MED23: variants seen among roughly 807,000 people sequenced by gnomAD.
MED23 encodes mediator of RNA polymerase II transcription subunit 23.
In MED23, 105 loss-of-function variants were observed where a neutral mutation model predicts 163.9. The observed-to-expected ratio is 0.64, with a 90% CI of 0.55 to 0.75. The LOEUF is 0.75. Among genes scored for constraint, MED23 ranks in the 30% least tolerant of loss-of-function variants. The pLI, the probability that MED23 is intolerant of heterozygous loss-of-function variation, is 0.00. For synonymous variants in MED23, 561 were observed against 565.6 expected (o/e 0.99, Z 0.12); for missense variants, 1,054 against 1,649.0 (o/e 0.64, Z 6.25).
chr6:131,585,807 C>G (rs1340101552), downstream of MED23, among the ~76,000 whole-genome samples: 1 of 152,158 alleles, frequency 6.6e-6, no homozygotes, highest in African/African-American at 2.4e-5. Context: ...TTCTATTAGT[C>G]TCTGATTAAA....
At chr6:131,584,197 C>CACTT (rs912772679), downstream of MED23, 12 of 397,526 alleles carry the variant, frequency 3.0e-5, no homozygotes, top group Admixed American at 3.8e-4. Flanking sequence ...AAAATAAGCA[C>CACTT]ACTTACATAA....
intron 17 of MED23, among the ~76,000 whole-genome samples, chr6:131,601,485 T>G (rs937658790): frequency 4.6e-5 from 7 of 152,212 alleles, no homozygotes; most frequent in Non-Finnish European, 4.4e-5. Context: ...TACATGAAGT[T>G]TACTGGGGGT....
In MED23 at chr6:131,604,238, T is replaced by A; in HGVS notation, c.1696A>T (p.Thr566Ser). The A allele has an allele frequency of 6.2e-7, 1 of 1,613,884 alleles. No homozygotes were observed. The highest frequency in any genetic ancestry group is 8.5e-7 in the Non-Finnish European group (1 of 1,179,824). Reference sequence around the variant, plus strand: ...ATATAGACCAATAAACGACTGTAAGTTTCCACTAGGGCTGGAGCCAAGGCC... The same window carrying A: ...ATATAGACCAATAAACGACTGTAAGATTCCACTAGGGCTGGAGCCAAGGCC... ...SVALAPALVETYSRLLVYMEI... is the reference protein window; with the variant it reads ...SVALAPALVESYSRLLVYMEI... The change falls in exon 15 of 29, where the codon ACT becomes TCT. Residue 566 changes from threonine to serine, a missense_variant. Around this residue, in one of 11 missense-constraint regions of MED23, gnomAD observed 54 missense variants for 89.8 expected, o/e 0.60. Transcript: ENST00000368068.
intron 14 of MED23, 52 bp from the exon 15 acceptor site, chr6:131,604,372 A>T (rs758911330): frequency 6.4e-7 from 1 of 1,562,964 alleles, no homozygotes; most frequent in East Asian, 2.3e-5. Flanking sequence ...TGACATAAAC[A>T]TAGGGGCTAC....
chr6:131,615,503 C>CAAAA (rs917020235), intron 10 of MED23, among the ~76,000 whole-genome samples: 202 of 14,128 alleles, frequency 0.014, 46 homozygotes, highest in East Asian at 0.021. Context: ...AAACACACAC[C>CAAAA]AAAAAAAAAA....
At position 131,606,632 on chromosome 6, in the gene MED23, A is replaced by G; in HGVS notation, c.1222-8T>C. 1 of 1,602,224 alleles carries G rather than the reference A, an allele frequency of 6.2e-7. No homozygotes were observed. The highest frequency in any genetic ancestry group is 8.5e-7 in the Non-Finnish European group (1 of 1,169,818). On this transcript the variant is annotated splice_region_variant and splice_polypyrimidine_tract_variant and intron_variant, in intron 12 of 28. Transcript: ENST00000368068. ...ATCAGGAACTGGGATATACTGAAAA[A>G]TAACAATTTGAAAAATAACACAATA...
rs1291144022 is a variant in MED23 at position 131,586,869 on chromosome 6, A to G, written c.*810T>C. On this transcript the variant is annotated 3_prime_UTR_variant, in exon 29 of 29. Transcript: ENST00000368068. ...TAAAATGTGTACTGTATTTACAAAT[A>G]TAAAATTTAAAAATTTTAAGATTAT... 15 of 1,463,856 alleles carry G rather than the reference A, an allele frequency of 1.0e-5. No individual in the cohort carries two copies. Among genetic ancestry groups the G allele is most frequent in the South Asian group, 2.7e-5 (2 of 74,478 alleles). 90.7% of individuals were successfully genotyped at this position (1,463,856 alleles called of 1,614,324 possible). A position where few individuals can be genotyped will look rare whatever the true frequency, so the allele number is the denominator to read the frequency against.
downstream of MED23, chr6:131,584,113 T>TCTAA (rs1195028170): frequency 5.0e-6 from 3 of 599,734 alleles, no homozygotes; most frequent in Non-Finnish European, 8.5e-6. Context: ...GCTTATATTT[T>TCTAA]CTAACTTGGC....
intron 26 of MED23, 30 bp downstream of exon 26, chr6:131,591,283 C>T (rs770085267): frequency 1.1e-5 from 17 of 1,562,830 alleles, no homozygotes; most frequent in Non-Finnish European, 1.5e-5. Context: ...CAGCCTACGT[C>T]AAATTTCTTT....
Position 131,593,071 on chromosome 6 carries a change from C to T in MED23, c.3333G>A (p.Glu1111=). 1 of 1,614,114 alleles carries T rather than the reference C, an allele frequency of 6.2e-7. No homozygotes were observed. The highest frequency in any genetic ancestry group is 2.2e-5 in the East Asian group (1 of 44,852). Reference sequence around the variant, plus strand: ...TGCCTGAAACTGCCAAGGCCATGAGCTCCACACAAGTAACATGGAGAGCAT... The same window carrying T: ...TGCCTGAAACTGCCAAGGCCATGAGTTCCACACAAGTAACATGGAGAGCAT... ...AAHALHVTCV[E]LMALAVSGKE... Residue 1111 remains glutamate, a synonymous_variant, in exon 24 of 29, where the codon GAG becomes GAA. Coordinates refer to ENST00000368068, the MANE Select transcript of MED23 (RefSeq NM_004830.4).
chr6:131,608,029 A>G lies in MED23; in HGVS notation c.1120T>C (p.Trp374Arg). Residue 374 changes from tryptophan (W) to arginine (R), a missense_variant, in exon 12 of 29, where the codon TGG (tryptophan) becomes CGG (arginine). Transcript: ENST00000368068. ...GLIKGRDHLM[W>R]VLLQFISGSI... The stretch of plus-strand genomic sequence containing the variant: ...CCAGAAATGAATTGCAGGAGAACCC[A>G]CATAAGATGATCTCTGCCTTTAATC... 1 of 1,613,942 alleles carries G rather than the reference A, an allele frequency of 6.2e-7. No individual in the cohort carries two copies. Among genetic ancestry groups the G allele is most frequent in the Non-Finnish European group, 8.5e-7 (1 of 1,179,900 alleles).
chr6:131,578,690 CAT>C (rs1773754204), intron 30 of MED23, among the ~76,000 whole-genome samples: 2 of 152,108 alleles, frequency 1.3e-5, no homozygotes, highest in South Asian at 4.2e-4. Context: ...TCTGAGAATA[CAT>C]ATATATACCG....
Position 131,586,840 on chromosome 6 carries a change from GAAATA to G in MED23, c.*834_*838del. ...ATTAACAATGTCTCTCAAAATCCAA[GAAATA>G]AAATGTGTACTGTATTTACAAATAT... On this transcript the variant is annotated 3_prime_UTR_variant, in exon 29 of 29. Coordinates refer to ENST00000368068, the MANE Select transcript of MED23 (RefSeq NM_004830.4). 1 of 1,506,588 alleles carries G rather than the reference GAAATA, an allele frequency of 6.6e-7. No individual in the cohort carries two copies. The highest frequency in any genetic ancestry group is 9.0e-7 in the Non-Finnish European group (1 of 1,112,210). The allele number at this position is 1,506,588 out of a possible 1,614,324, so 93.3% of individuals were successfully genotyped here. A position where few individuals can be genotyped will look rare whatever the true frequency, so the allele number is the denominator to read the frequency against.
rs1423554533 is a variant in MED23 at position 131,615,660 on chromosome 6, C to G, written c.876+247G>C. On this transcript the variant is annotated intron_variant, in intron 10 of 28. Coordinates refer to ENST00000368068, the MANE Select transcript of MED23 (RefSeq NM_004830.4). Reference sequence around the variant, plus strand: ...TCTCTGGCAAAAGGTATACTTGAAACTGGCCTTATAGAAAAAAAAGCAATG... The same window carrying G: ...TCTCTGGCAAAAGGTATACTTGAAAGTGGCCTTATAGAAAAAAAAGCAATG... 6.7e-6 allele frequency: 4 copies of G among 593,154 alleles called. No homozygotes were observed. In the Admixed American group the frequency reaches 1.2e-4, roughly 17 times the overall value. 36.7% of individuals were successfully genotyped at this position (593,154 alleles called of 1,614,324 possible). A position where few individuals can be genotyped will look rare whatever the true frequency, so the allele number is the denominator to read the frequency against.
chr6:131,579,380 C>A, intron 30 of MED23: 1 of 1,389,882 alleles, frequency 7.2e-7, no homozygotes, highest in Non-Finnish European at 9.9e-7. Flanking sequence ...GACAGAAAAG[C>A]ATTGACCTAT....
downstream of MED23, chr6:131,582,714 C>G: frequency 6.2e-7 from 1 of 1,613,292 alleles, no homozygotes; most frequent in Non-Finnish European, 8.5e-7. Flanking sequence ...CCCTGGGGAA[C>G]AGTAAGCTTA....
upstream of MED23, chr6:131,628,303 G>A (rs1230628953): frequency 1.8e-6 from 1 of 542,390 alleles, no homozygotes; most frequent in Non-Finnish European, 3.3e-6. Flanking sequence ...CCACCAGAAG[G>A]TTCCGTCTGT....
chr6:131,624,798 C>G, intron 4 of MED23, 67 bp downstream of exon 4: 2 of 1,568,188 alleles, frequency 1.3e-6, no homozygotes, highest in East Asian at 2.2e-5. Context: ...CAACAACAAC[C>G]TCAACCAATT....
chr6:131,615,183 C>T (rs921565422), intron 10 of MED23: 6 of 672,680 alleles, frequency 8.9e-6, no homozygotes, highest in African/African-American at 1.9e-5. Flanking sequence ...AAGAAGAAAT[C>T]GTTTTTTAGT....
Sources: allele counts gnomAD v4.1 joint callset (sites outside exome capture counted in the v4.1 genomes callset), GRCh38; gene constraint gnomAD v4.1.1; regional missense constraint gnomAD v4.1.1; transcripts MANE v1.5; gene names NCBI Gene and HGNC (gene_info 2026-07-23, HGNC 2026-07-21).